Variants in LYST observed in about 807,000 individuals in gnomAD.
LYST encodes lysosomal trafficking regulator.
LYST carries 192 observed loss-of-function variants against 413.6 expected under a neutral mutation model. That is an observed-to-expected ratio of 0.46 (90% CI 0.41 to 0.52). The LOEUF (loss-of-function observed/expected upper bound fraction) is 0.52, where lower values mean the gene tolerates loss of function less well. Ranked by LOEUF, LYST falls within the 20% of genes least tolerant of loss-of-function variation. The pLI is 0.00. For synonymous variants in LYST, 1,525 were observed against 1,567.3 expected, an observed-to-expected ratio of 0.97 and a Z score of 0.64; for missense variants, 3,815 against 4,499.9, an observed-to-expected ratio of 0.85 and a Z score of 4.35.
At chr1:235,775,316 C>A (rs1009689843) in intron 17 of LYST, among the ~76,000 whole-genome samples, 1 of 152,038 alleles carries the variant, frequency 6.6e-6, no homozygotes, top group African/African-American at 2.4e-5. Context: ...TGACACACAA[C>A]CTTAGTGGCC....
intron 31 of LYST, chr1:235,737,960 C>CATTAAAAAAT: frequency 3.7e-6 from 5 of 1,337,174 alleles, no homozygotes; most frequent in East Asian, 2.8e-5. Flanking sequence ...GCCGGACGTG[C>CATTAAAAAAT]ATTCTCGATT....
In LYST at chr1:235,759,383, T is replaced by C. The variant is rs1359258144; in HGVS notation, c.6470A>G (p.Lys2157Arg). ...QNSLGSSDTLKKGKEDAFISS... is the reference protein window; with the variant it reads ...QNSLGSSDTLRKGKEDAFISS... ...GATGAATGCGTCCTCTTTGCCTTTT[T>C]TCAGTGTGTCGGAACTCCCCAAAGA... The change falls in exon 23 of 53, where the codon AAA becomes AGA. Residue 2157 changes from lysine (K) to arginine (R), a missense_variant. Lys to Arg is a conservative substitution (Grantham distance 26, BLOSUM62 2). Coordinates refer to ENST00000389793, the MANE Select transcript of LYST (RefSeq NM_000081.4). 1.2e-6 allele frequency: 2 copies of C among 1,614,206 alleles called. No individual in the cohort carries two copies. Among genetic ancestry groups the C allele is most frequent in the Non-Finnish European group, 1.7e-6 (2 of 1,180,022 alleles).
chr1:235,789,676 AC>A (rs776453074), intron 12 of LYST, among the ~76,000 whole-genome samples: 6 of 152,190 alleles, frequency 3.9e-5, no homozygotes, highest in East Asian at 1.9e-4. Context: ...TTAAAAAAAT[AC>A]TCCCTGTAGC....
At position 235,759,335 on chromosome 1, in the gene LYST, G is replaced by C. The variant is rs765317185; in HGVS notation, c.6518C>G (p.Thr2173Ser). ...AFISSCESAK[T>S]VCEMEAVLSA... ...GAGGACAGCTTCCATTTCACAAACAGTTTTTGCAGACTCACAGCTACTGAT... is the reference window on the plus strand; with the variant it reads ...GAGGACAGCTTCCATTTCACAAACACTTTTTGCAGACTCACAGCTACTGAT... The change falls in exon 23 of 53, where the codon ACT becomes AGT. Residue 2173 changes from threonine (T) to serine (S), a missense_variant. By Grantham distance (58) the Thr-to-Ser change is moderately conservative (BLOSUM62 1). Coordinates refer to ENST00000389793, the MANE Select transcript of LYST (RefSeq NM_000081.4). The C allele has an allele frequency of 1.2e-6, 2 of 1,614,130 alleles. No homozygotes were observed. The highest frequency in any genetic ancestry group is 2.2e-5 in the South Asian group (2 of 91,082).
Position 235,697,040 on chromosome 1 carries a change from C to T in LYST, c.10564+43G>A, listed in dbSNP as rs7541057. 0.48 allele frequency: 757,778 copies of T among 1,571,076 alleles called. 195,556 individuals carry two copies. Among genetic ancestry groups the T allele is most frequent in the African/African-American group, 0.72 (53,695 of 74,190 alleles). ...ATGAGCTAGAAATACTCAAATCTCA[C>T]GAAAGATATATCCAGAATGATCTTC... On this transcript the variant is annotated intron_variant, in intron 46 of 52. Coordinates refer to ENST00000389793, the MANE Select transcript of LYST (RefSeq NM_000081.4).
chr1:235,805,724 A>C lies in LYST; in HGVS notation c.3393+19T>G. On this transcript the variant is annotated intron_variant, in intron 6 of 52. Transcript: ENST00000389793. ...TGTATATATATTACATAAGAGTTGG[A>C]CTAAGGACAAGGTATTACCTGATTA... 1.3e-6 allele frequency: 2 copies of C among 1,568,088 alleles called. No homozygotes were observed. The highest frequency in any genetic ancestry group is 1.1e-5 in the South Asian group (1 of 89,990).
chr1:235,729,599 G>C lies in LYST; in HGVS notation c.9103C>G (p.Leu3035Val), dbSNP rs779349345. Residue 3035 changes from leucine to valine, a missense_variant, in exon 37 of 53, where the codon CTA becomes GTA. This residue lies in a region of LYST where 866 missense variants were observed against 1,156.0 expected (regional missense o/e 0.75). Transcript: ENST00000389793. ...PSRETAGELL[L>V]GKCGMYFVED... ...AATTCTTCAAAATTTGACTTACCTA[G>C]TAACAATTCACCAGCTGTCTCTCTA... The C allele has an allele frequency of 1.1e-5, 18 of 1,604,898 alleles. No individual in the cohort carries two copies. The highest frequency in any genetic ancestry group is 1.5e-5 in the Non-Finnish European group (17 of 1,171,868).
chr1:235,873,910 G>A (rs1326872025), intron 1 of LYST, among the ~76,000 whole-genome samples: 1 of 152,160 alleles, frequency 6.6e-6, no homozygotes, highest in Non-Finnish European at 1.5e-5. Flanking sequence ...GTTTATCTGA[G>A]CAGATTAAAA....
In LYST at chr1:235,755,499, C is replaced by T. The variant is rs148704397; in HGVS notation, c.7208G>A (p.Arg2403Gln). ...LECFIEMFFG[R>Q]HIGLDEEFDL... ...TTACTCTTCATCAAGGCCAATATGT[C>T]GACCAAAGAACATTTCGATGAAGCA... Residue 2403 changes from arginine (R) to glutamine (Q), a missense_variant, in exon 25 of 53, where the codon CGA (arginine) becomes CAA (glutamine). Arg to Gln is a conservative substitution (Grantham distance 43). Coordinates refer to ENST00000389793, the MANE Select transcript of LYST (RefSeq NM_000081.4). 19 of 1,613,546 alleles carry T rather than the reference C, an allele frequency of 1.2e-5. No individual in the cohort carries two copies. The highest frequency in any genetic ancestry group is 6.7e-5 in the East Asian group (3 of 44,864).
chr1:235,759,750 A>G (rs1259639008), intron 22 of LYST, 151 bp from the exon 23 acceptor site: 2 of 655,806 alleles, frequency 3.0e-6, no homozygotes, highest in Admixed American at 5.3e-5. Flanking sequence ...CTAATGCTTA[A>G]AATTCCTTTA....
chr1:235,850,294 A>C (rs1243494228), intron 1 of LYST, among the ~76,000 whole-genome samples: 1 of 152,222 alleles, frequency 6.6e-6, no homozygotes, highest in African/African-American at 2.4e-5. Flanking sequence ...TCTTTTCAAC[A>C]AATCATGCTG....
intron 1 of LYST, among the ~76,000 whole-genome samples, chr1:235,840,586 T>G (rs550012211): frequency 6.6e-6 from 1 of 152,312 alleles, no homozygotes; most frequent in South Asian, 2.1e-4. Flanking sequence ...ACATCGGTAT[T>G]TTTAACAAGC....
chr1:235,783,487 T>C (rs777533551), intron 14 of LYST, among the ~76,000 whole-genome samples: 27 of 151,830 alleles, frequency 1.8e-4, no homozygotes, highest in Non-Finnish European at 3.8e-4. Flanking sequence ...TCGGCGGGTG[T>C]TGGGGCAAGG....
intron 31 of LYST, 35 bp from the exon 32 acceptor site, chr1:235,734,694 A>T (rs757597856): frequency 7.0e-7 from 1 of 1,421,712 alleles, no homozygotes; most frequent in East Asian, 2.4e-5. Flanking sequence ...AGTCATTTAG[A>T]ATTTTAATTC....
At chr1:235,731,958 A>G (rs921901751) in intron 34 of LYST, among the ~76,000 whole-genome samples, 9 of 152,222 alleles carry the variant, frequency 5.9e-5, no homozygotes, top group Admixed American at 5.9e-4. Flanking sequence ...ATCTTAGATG[A>G]AATAAGACAG....
chr1:235,751,144 A>G (rs1572146254), intron 28 of LYST, 66 bp downstream of exon 28: 2 of 1,428,264 alleles, frequency 1.4e-6, no homozygotes, highest in Middle Eastern at 1.7e-4. Flanking sequence ...TGTGAATGGC[A>G]TAAGAACATA....
intron 1 of LYST, among the ~76,000 whole-genome samples, chr1:235,862,847 A>ACC (rs1553325655): frequency 4.4e-5 from 6 of 137,180 alleles, no homozygotes; most frequent in South Asian, 4.8e-4. Context: ...ACACACACAC[A>ACC]CCCCTTCAAG....
intron 1 of LYST, among the ~76,000 whole-genome samples, chr1:235,876,290 A>AAG (rs1231490034): frequency 6.6e-6 from 1 of 152,164 alleles, no homozygotes; most frequent in Non-Finnish European, 1.5e-5. Context: ...ATGGCCAAAA[A>AAG]AACAAAACAC....
chr1:235,857,056 A>G (rs1312937304), intron 1 of LYST, among the ~76,000 whole-genome samples: 4 of 148,928 alleles, frequency 2.7e-5, no homozygotes, highest in Non-Finnish European at 5.9e-5. Context: ...AGCGATTCTC[A>G]TGCCTCAGCC....
Sources: gnomAD v4.1 joint callset for allele counts (sites outside exome capture counted in the v4.1 genomes callset) on GRCh38, gnomAD v4.1.1 for gene constraint, gnomAD v4.1.1 regional missense constraint, MANE v1.5 for transcripts, NCBI Gene and HGNC (gene_info 2026-07-23, HGNC 2026-07-21) for gene names.